The following STX1B variants were observed in gnomAD, a reference collection of about 807,000 sequenced individuals.
The protein encoded by STX1B is syntaxin-1B.
STX1B carries 7 observed loss-of-function variants against 39.4 expected under a neutral mutation model. The observed-to-expected ratio is 0.18, with a 90% confidence interval of 0.10 to 0.33. STX1B has a LOEUF of 0.33. Among genes scored for constraint, STX1B ranks in the 10% least tolerant of loss-of-function variants. STX1B has a pLI of 1.00. For synonymous variants in STX1B, 136 were observed against 144.1 expected (o/e 0.94, Z 0.40); for missense variants, 198 against 383.2 (o/e 0.52, Z 4.04).
intron 1 of STX1B, among the ~76,000 whole-genome samples, chr16:31,004,913 C>T (rs567396486): frequency 6.6e-6 from 1 of 152,188 alleles, no homozygotes; most frequent in Non-Finnish European, 1.5e-5. Flanking sequence ...ATGTCAGGCT[C>T]TCTCCCTTCT....
At chr16:30,996,449 T>A in intron 7 of STX1B, 1 of 497,546 alleles carries the variant, frequency 2.0e-6, no homozygotes, top group Non-Finnish European at 3.6e-6. Context: ...ATTAAATGAG[T>A]TGGTGGGTGA....
chr16:30,996,621 T>C, intron 7 of STX1B, 62 bp downstream of exon 7: 2 of 1,496,248 alleles, frequency 1.3e-6, no homozygotes, highest in East Asian at 2.3e-5. Flanking sequence ...TAGTTCAACC[T>C]GAACTTAGGG....
In STX1B at chr16:30,990,577, CAT is replaced by C. The variant is rs1467538742; in HGVS notation, c.*2242_*2243del. 8 of 152,312 alleles carry C rather than the reference CAT, an allele frequency of 5.3e-5. No homozygotes were observed. The highest frequency in any genetic ancestry group is 5.2e-4 in the Admixed American group (8 of 15,272). The allele number at this position is 152,312 out of a possible 1,614,324, so 9.4% of individuals were successfully genotyped here. A position where few individuals can be genotyped will look rare whatever the true frequency, so the allele number is the denominator to read the frequency against. On this transcript the variant is annotated 3_prime_UTR_variant, in exon 10 of 10. Transcript: ENST00000215095. ...ACAATGCACACACACGTACGCTTCA[CAT>C]GACCTGGGACCCTGGGGTCCGCACA...
In STX1B at chr16:30,995,874, A is replaced by G. The variant is rs566654178; in HGVS notation, c.537+809T>C. On this transcript the variant is annotated intron_variant, in intron 7 of 9. Transcript: ENST00000215095. ...AACTAAAACTTGTTTTAAAAAAAATATTCAAAATGTAGGCAAATTAGGCTG... is the reference window on the plus strand; with the variant it reads ...AACTAAAACTTGTTTTAAAAAAAATGTTCAAAATGTAGGCAAATTAGGCTG... Among the ~76,000 whole-genome samples the G allele has an allele frequency of 8.5e-5, 13 of 152,296 alleles. No individual in the cohort carries two copies. In the South Asian group the frequency reaches 2.5e-3, roughly 29 times the overall value.
rs957048385 is a variant in STX1B, at chr16:30,992,496, G to A, written c.*325C>T. The A allele has an allele frequency of 3.3e-6, 1 of 303,860 alleles. No homozygotes were observed. Among genetic ancestry groups the A allele is most frequent in the Admixed American group, 4.8e-5 (1 of 21,046 alleles). 18.8% of individuals were successfully genotyped at this position (303,860 alleles called of 1,614,324 possible). A position where few individuals can be genotyped will look rare whatever the true frequency, so the allele number is the denominator to read the frequency against. On this transcript the variant is annotated 3_prime_UTR_variant, in exon 10 of 10. Transcript: ENST00000215095. Reference sequence around the variant, plus strand: ...GCTCAGACCACGCACACACACCCAAGGTGGGGGTGGAGGGGGTGCTCTGGT... The same window carrying A: ...GCTCAGACCACGCACACACACCCAAAGTGGGGGTGGAGGGGGTGCTCTGGT...
rs2056562113 is a variant in STX1B, at chr16:30,992,033, T to C, written c.*788A>G. On this transcript the variant is annotated 3_prime_UTR_variant, in exon 10 of 10. Transcript: ENST00000215095. ...GTGCCCTCCCAAAACAGGTGTCCAG[T>C]CCACAGTGTGGAGGGCTCTATCTGA... is the stretch of plus-strand genomic sequence containing the variant. 1 of 150,274 alleles carries C rather than the reference T, an allele frequency of 6.7e-6. No individual in the cohort carries two copies. The highest frequency in any genetic ancestry group is 1.5e-5 in the Non-Finnish European group (1 of 67,724). The allele number at this position is 150,274 out of a possible 1,614,324, so 9.3% of individuals were successfully genotyped here.
At chr16:31,006,453 G>A (rs912549841) in intron 1 of STX1B, among the ~76,000 whole-genome samples, 2 of 152,196 alleles carry the variant, frequency 1.3e-5, no homozygotes, top group African/African-American at 4.8e-5. Flanking sequence ...TGCTGCTGGC[G>A]ATGTGGTGGT....
At chr16:30,997,600 GGGCGGGAGA>G in intron 4 of STX1B, 25 bp from the exon 5 acceptor site, 1 of 1,591,482 alleles carries the variant, frequency 6.3e-7, no homozygotes, top group Admixed American at 1.8e-5. Context: ...GCGCAGCGAT[GGGCGGGAGA>G]CCCGGGGCAC....
intron 1 of STX1B, among the ~76,000 whole-genome samples, chr16:31,007,269 C>T (rs1475222551): frequency 1.3e-5 from 2 of 152,114 alleles, no homozygotes; most frequent in Admixed American, 6.5e-5. Flanking sequence ...CTTTGGGGCA[C>T]GGGGCGGTCC....
intron 1 of STX1B, among the ~76,000 whole-genome samples, chr16:31,009,463 G>T (rs2056670300): frequency 6.6e-6 from 1 of 151,942 alleles, no homozygotes; most frequent in African/African-American, 2.4e-5. Flanking sequence ...GCACAGTGCG[G>T]ACTGTCAGTG....
intron 9 of STX1B, 70 bp downstream of exon 9, chr16:30,993,060 C>A (rs2056571723): frequency 6.7e-7 from 1 of 1,491,588 alleles, no homozygotes; most frequent in Admixed American, 1.7e-5. Flanking sequence ...CGCCCGCTGC[C>A]ATCACTCACC....
chr16:31,009,077 C>T (rs959953756), intron 1 of STX1B, among the ~76,000 whole-genome samples: 1 of 152,156 alleles, frequency 6.6e-6, no homozygotes, highest in Admixed American at 6.6e-5. Flanking sequence ...TCCCATTTGG[C>T]AACCTGTCTG....
chr16:31,000,431 C>G (rs1339947359), intron 4 of STX1B, among the ~76,000 whole-genome samples: 1 of 151,312 alleles, frequency 6.6e-6, no homozygotes, highest in African/African-American at 2.4e-5. Context: ...CCCCTGGGCT[C>G]AAGCGATTCT....
rs2056570570 is a variant in STX1B at position 30,992,912 on chromosome 16, A to G, written c.787-11T>C. The G allele has an allele frequency of 1.2e-6, 2 of 1,612,484 alleles. No individual in the cohort carries two copies. Among genetic ancestry groups the G allele is most frequent in the South Asian group, 1.1e-5 (1 of 91,058 alleles). On this transcript the variant is annotated splice_polypyrimidine_tract_variant and intron_variant, in intron 9 of 9. Transcript: ENST00000215095. The stretch of plus-strand genomic sequence containing the variant: ...GATCATGATTTTCTTCTGCAGCAGA[A>G]AGAGGAGTGAGACAGGCAGACAGTG...
rs367595151 is a variant in STX1B, at chr16:31,001,209, G to C, written c.106-16C>G. On this transcript the variant is annotated splice_polypyrimidine_tract_variant and intron_variant, in intron 2 of 9. Coordinates refer to ENST00000215095, the MANE Select transcript of STX1B (RefSeq NM_052874.5). This position sits in a 1 kb window ranked among gnomAD's most constrained non-coding sequence, Gnocchi z 5.5. Reference sequence around the variant, plus strand: ...TCTCTTCCACCTGGAGCAGAAAATCGGCTATACCCAGCCAAGCTGTCAGGC... The same window carrying C: ...TCTCTTCCACCTGGAGCAGAAAATCCGCTATACCCAGCCAAGCTGTCAGGC... 61 of 1,611,716 alleles carry C rather than the reference G, an allele frequency of 3.8e-5. No homozygotes were observed. The South Asian group carries it at 5.4e-4, about 14-fold the overall frequency.
chr16:30,992,946 C>G, intron 9 of STX1B, 45 bp from the exon 10 acceptor site: 1 of 1,529,450 alleles, frequency 6.5e-7, no homozygotes. Context: ...TGAGAGAGAT[C>G]GACACACGGA....
rs1014617655 is a variant in STX1B at position 31,010,469 on chromosome 16, C to T, written c.-73G>A. 2 of 1,176,476 alleles carry T rather than the reference C, an allele frequency of 1.7e-6. No individual in the cohort carries two copies. The highest frequency in any genetic ancestry group is 2.2e-6 in the Non-Finnish European group (2 of 916,624). The allele number at this position is 1,176,476 out of a possible 1,614,324, so 72.9% of individuals were successfully genotyped here. ...TGCTCCGGGTCTCCCGCCTCTGTGCCGGAGGCCGGGGTCTGGGGGCGCCGG... is the reference window on the plus strand; with the variant it reads ...TGCTCCGGGTCTCCCGCCTCTGTGCTGGAGGCCGGGGTCTGGGGGCGCCGG... On this transcript the variant is annotated 5_prime_UTR_variant, in exon 1 of 10. Transcript: ENST00000215095.
chr16:31,005,028 G>A (rs942200442), intron 1 of STX1B, among the ~76,000 whole-genome samples: 3 of 152,166 alleles, frequency 2.0e-5, no homozygotes, highest in Non-Finnish European at 4.4e-5. Context: ...CAGTAGGAGG[G>A]GCCCAGGGCT....
In STX1B at chr16:30,997,480, C is replaced by G. The variant is rs180959444; in HGVS notation, c.354+22G>C. ...CCCGAGCTGGGTCCCGACCCGACCC[C>G]CAATGGGCTGCCGCCTCCTACCTGG... On this transcript the variant is annotated intron_variant, in intron 5 of 9. Transcript: ENST00000215095. The G allele has an allele frequency of 4.1e-4, 647 of 1,589,826 alleles. 1 individual carries two copies. The African/African-American group carries it at 7.5e-3, about 18-fold the overall frequency.
Sources: gnomAD v4.1 joint callset for allele counts (sites outside exome capture counted in the v4.1 genomes callset) on GRCh38, gnomAD v4.1.1 for gene constraint, Gnocchi (gnomAD v3.1) non-coding constraint, MANE v1.5 for transcripts, NCBI Gene and HGNC (gene_info 2026-07-23, HGNC 2026-07-21) for gene names.